CLPB: variants seen among roughly 807,000 people sequenced by gnomAD.
CLPB encodes ClpB family mitochondrial disaggregase.
Under a neutral mutation model 78.4 loss-of-function variants are expected in CLPB, and 40 were observed. The observed-to-expected ratio is 0.51, with a 90% CI of 0.40 to 0.66. CLPB has a LOEUF of 0.66. Ranked by LOEUF, CLPB falls within the 30% of genes least tolerant of loss-of-function variation. The pLI, the probability that CLPB is intolerant of heterozygous loss-of-function variation, is 0.00. For missense variants in CLPB, 780 were observed against 886.9 expected (o/e 0.88, Z 1.53); for synonymous variants, 333 against 348.0 (o/e 0.96, Z 0.48).
intron 11 of CLPB, among the ~76,000 whole-genome samples, 197 bp from the exon 12 acceptor site, chr11:72,295,845 G>A (rs1030844263): frequency 3.3e-5 from 5 of 152,204 alleles, no homozygotes; most frequent in African/African-American, 4.8e-5. Flanking sequence ...ACCGCCCTGC[G>A]CTGCAACTGC....
Position 72,292,007 on chromosome 11 carries a change from C to T in CLPB, c.*1360G>A, listed in dbSNP as rs1188924120. 7.1e-6 allele frequency: 1 copy of T among 140,952 alleles called. No individual in the cohort carries two copies. Among genetic ancestry groups the T allele is most frequent in the Non-Finnish European group, 1.5e-5 (1 of 66,658 alleles). The allele number at this position is 140,952 out of a possible 1,614,324, so 8.7% of individuals were successfully genotyped here. On this transcript the variant is annotated 3_prime_UTR_variant, in exon 16 of 16. Coordinates refer to ENST00000538039, the MANE Select transcript of CLPB (RefSeq NM_001258392.3). ...GCAGTGAGCCGAGATCGCGCCACTG[C>T]ACTCCAGCTTGGGGGACAGAGTGAG...
chr11:72,428,943 G>C (rs1856466223), intron 2 of CLPB: 1 of 152,248 alleles, frequency 6.6e-6, no homozygotes, highest in Non-Finnish European at 1.5e-5. Context: ...GGATGGAAGA[G>C]TGGATTCCCA....
intron 2 of CLPB, chr11:72,408,279 C>T: frequency 4.8e-6 from 5 of 1,036,404 alleles, no homozygotes; most frequent in Non-Finnish European, 7.2e-6. Flanking sequence ...CTGTCACTTA[C>T]TAGCTGTGAA....
intron 6 of CLPB, among the ~76,000 whole-genome samples, chr11:72,320,477 ATT>A (rs1950024842): frequency 1.3e-5 from 2 of 152,168 alleles, no homozygotes; most frequent in African/African-American, 4.8e-5. Context: ...CTTGGGAAAG[ATT>A]CAAACCATGG....
intron 2 of CLPB, among the ~76,000 whole-genome samples, chr11:72,417,007 T>A (rs183281319): frequency 3.3e-5 from 5 of 152,160 alleles, no homozygotes; most frequent in Non-Finnish European, 1.5e-5. Context: ...GGAAAATGGT[T>A]GGGCAGTTCC....
At chr11:72,394,043 G>A (rs1300564132) in intron 3 of CLPB, among the ~76,000 whole-genome samples, 1 of 152,156 alleles carries the variant, frequency 6.6e-6, no homozygotes, top group Admixed American at 6.5e-5. Flanking sequence ...CTAGTCTGAT[G>A]TCCATTCATA....
chr11:72,333,751 T>C (rs1950270247), intron 5 of CLPB, among the ~76,000 whole-genome samples: 2 of 152,170 alleles, frequency 1.3e-5, no homozygotes, highest in South Asian at 2.1e-4. Context: ...AGCCTAGCCT[T>C]CCTGGCCCAG....
At position 72,291,722 on chromosome 11, in the gene CLPB, A is replaced by C. The variant is rs1949454849; in HGVS notation, c.*1645T>G. ...ATTTCTGCAACTTTCTCTAAGTCTA[A>C]AATTATTTCAAAACAAAAAGTAAAA... On this transcript the variant is annotated 3_prime_UTR_variant, in exon 16 of 16. Transcript: ENST00000538039. The C allele has an allele frequency of 6.6e-6, 1 of 152,124 alleles. No homozygotes were observed. The highest frequency in any genetic ancestry group is 1.5e-5 in the Non-Finnish European group (1 of 68,030). The allele number at this position is 152,124 out of a possible 1,614,324, so 9.4% of individuals were successfully genotyped here.
In CLPB at chr11:72,428,616, G is replaced by A. The variant is rs77119605; in HGVS notation, c.455+1696C>T. 9.4e-3 allele frequency among the ~76,000 whole-genome samples: 1,436 copies of A among 152,210 alleles called. 22 individuals are homozygous for A. Among genetic ancestry groups the A allele is most frequent in the African/African-American group, 0.033 (1,379 of 41,496 alleles). ...GGGGCTGAGGGCAGGTCTGTGCCTC[G>A]CTCATCTCTGATGTCCTCACATGGA... On this transcript the variant is annotated intron_variant, in intron 2 of 15. Transcript: ENST00000538039.
intron 2 of CLPB, among the ~76,000 whole-genome samples, chr11:72,418,641 G>A (rs936252962): frequency 3.3e-5 from 5 of 152,126 alleles, no homozygotes; most frequent in African/African-American, 1.2e-4. Flanking sequence ...AGGATCACGA[G>A]GTCAGGAGTT....
intron 7 of CLPB, among the ~76,000 whole-genome samples, chr11:72,309,251 G>C (rs1428423477): frequency 6.6e-6 from 1 of 152,170 alleles, no homozygotes; most frequent in East Asian, 1.9e-4. Context: ...GGAGCACGGG[G>C]AGTGGGACAG....
chr11:72,379,832 G>A (rs768072744), intron 4 of CLPB, among the ~76,000 whole-genome samples: 3 of 152,214 alleles, frequency 2.0e-5, no homozygotes, highest in Non-Finnish European at 4.4e-5. Context: ...TTCTGAGGCT[G>A]AGGAATCCAG....
chr11:72,335,985 C>T (rs909129457), intron 5 of CLPB, among the ~76,000 whole-genome samples: 1 of 152,082 alleles, frequency 6.6e-6, no homozygotes, highest in Non-Finnish European at 1.5e-5. Context: ...AGGTCAGGCC[C>T]CGGTACCCTC....
At chr11:72,317,428 T>G (rs1949967920) in intron 6 of CLPB, among the ~76,000 whole-genome samples, 1 of 152,198 alleles carries the variant, frequency 6.6e-6, no homozygotes, top group South Asian at 2.1e-4. Context: ...ACTCTGCTGG[T>G]AGAGTAAGTA....
chr11:72,400,974 C>T (rs1855544019), intron 3 of CLPB, among the ~76,000 whole-genome samples: 1 of 152,214 alleles, frequency 6.6e-6, no homozygotes, highest in African/African-American at 2.4e-5. Flanking sequence ...TCTGCAAACA[C>T]TAGCACAGGG....
chr11:72,333,702 G>A (rs1950269173), intron 5 of CLPB, among the ~76,000 whole-genome samples: 1 of 152,166 alleles, frequency 6.6e-6, no homozygotes, highest in East Asian at 1.9e-4. Flanking sequence ...GCACTGGGGG[G>A]CTCAGGAAGG....
intron 5 of CLPB, among the ~76,000 whole-genome samples, chr11:72,340,929 C>A (rs1380942825): frequency 3.2e-4 from 49 of 152,206 alleles, no homozygotes; most frequent in Admixed American, 3.2e-3. Context: ...CGGCTCACTG[C>A]AAGCTCCATC....
intron 2 of CLPB, among the ~76,000 whole-genome samples, chr11:72,405,881 T>C (rs1855694406): frequency 6.6e-6 from 1 of 150,524 alleles, no homozygotes; most frequent in Non-Finnish European, 1.5e-5. Flanking sequence ...TGAGCTGAGA[T>C]CACACCACTG....
chr11:72,413,281 A>C (rs57402767), intron 2 of CLPB, among the ~76,000 whole-genome samples: 15,253 of 151,762 alleles, frequency 0.1, 1,335 homozygotes, highest in African/African-American at 0.24. Context: ...CAAAGCGAAA[A>C]TCCGTCTCGA....
Sources: allele counts gnomAD v4.1 joint callset (sites outside exome capture counted in the v4.1 genomes callset), GRCh38; gene constraint gnomAD v4.1.1; transcripts MANE v1.5; gene names NCBI Gene and HGNC (gene_info 2026-07-23, HGNC 2026-07-21).